GRIN2B: variants seen among roughly 807,000 people sequenced by gnomAD.
GRIN2B encodes the protein glutamate ionotropic receptor NMDA type subunit 2B, also known as glutamate receptor ionotropic, NMDA 2B.
Under a neutral mutation model 114.5 loss-of-function variants are expected in GRIN2B, and 5 were observed. The observed-to-expected ratio is 0.04, with a 90% CI of 0.02 to 0.09. The LOEUF is 0.09. Among genes scored for constraint, GRIN2B ranks in the 10% least tolerant of loss-of-function variants. The pLI, the probability that GRIN2B is intolerant of heterozygous loss-of-function variation, is 1.00. For synonymous variants in GRIN2B, 787 were observed against 745.1 expected (o/e 1.06, Z -0.92); for missense variants, 1,108 against 1,943.5 (o/e 0.57, Z 8.08).
intron 3 of GRIN2B, among the ~76,000 whole-genome samples, chr12:13,817,767 A>G (rs539119753): frequency 3.9e-5 from 6 of 152,300 alleles, no homozygotes; most frequent in East Asian, 3.9e-4. Flanking sequence ...TGGGTTTCCA[A>G]CCGCTCAGGA....
At chr12:13,855,049 GAAAAAA>G (rs3082840) in intron 3 of GRIN2B, among the ~76,000 whole-genome samples, 3 of 88,012 alleles carry the variant, frequency 3.4e-5, no homozygotes, top group Admixed American at 1.2e-4. Flanking sequence ...CATCTCTACT[GAAAAAA>G]AAAAAAAAAA....
At chr12:13,583,218 C>T (rs1948875671) in intron 10 of GRIN2B, among the ~76,000 whole-genome samples, 1 of 152,154 alleles carries the variant, frequency 6.6e-6, no homozygotes, top group South Asian at 2.1e-4. Flanking sequence ...CAATCCCTAC[C>T]ATTACAGTTT....
intron 4 of GRIN2B, among the ~76,000 whole-genome samples, chr12:13,704,864 T>A (rs1950345191): frequency 6.6e-6 from 1 of 152,172 alleles, no homozygotes; most frequent in South Asian, 2.1e-4. Context: ...ATAAAACACA[T>A]GTCACTGATA....
rs190725483 is a variant in GRIN2B at position 13,943,450 on chromosome 12, T to C, written c.-19+36478A>G. 3.7e-4 allele frequency among the ~76,000 whole-genome samples: 57 copies of C among 152,146 alleles called. No individual in the cohort carries two copies. The East Asian group carries it at 0.011, about 29-fold the overall frequency. On this transcript the variant is annotated intron_variant, in intron 2 of 13. Transcript: ENST00000609686. The stretch of plus-strand genomic sequence containing the variant: ...CACACTCCTACTCAAGATTCTCCCC[T>C]GACTCCCCCATTGAATTTAGAATAA...
At chr12:13,890,322 T>C (rs565393881) in intron 2 of GRIN2B, among the ~76,000 whole-genome samples, 87 of 152,318 alleles carry the variant, frequency 5.7e-4, no homozygotes, top group African/African-American at 2.0e-3. Flanking sequence ...CCGCCTCTAG[T>C]AAGCAAACTA....
At chr12:13,646,865 T>C (rs1452624074) in intron 5 of GRIN2B, among the ~76,000 whole-genome samples, 1 of 152,026 alleles carries the variant, frequency 6.6e-6, no homozygotes, top group African/African-American at 2.4e-5. Flanking sequence ...AAAGAGATTC[T>C]CCTCTTGGCC....
upstream of GRIN2B, among the ~76,000 whole-genome samples, chr12:13,981,728 T>G (rs1414184616): frequency 1.4e-5 from 2 of 143,786 alleles, no homozygotes; most frequent in Non-Finnish European, 3.0e-5. Flanking sequence ...GGGGGCAGGC[T>G]GTGCAAGTCA....
intron 3 of GRIN2B, among the ~76,000 whole-genome samples, chr12:13,773,115 TC>T (rs2069340639): frequency 6.6e-6 from 1 of 152,148 alleles, no homozygotes; most frequent in African/African-American, 2.4e-5. Context: ...GACCAGTGTT[TC>T]CAGGTACCCA....
Position 13,663,743 on chromosome 12 carries a change from T to C in GRIN2B, c.1125+12002A>G, listed in dbSNP as rs185380663. ...CTGTTTTCTAGTTTCTTCCTGTTAG[T>C]GACTAAGGCCAAAACCCAACTAGTT... On this transcript the variant is annotated intron_variant, in intron 5 of 13. Coordinates refer to ENST00000609686, the MANE Select transcript of GRIN2B (RefSeq NM_000834.5). Among the ~76,000 whole-genome samples the C allele has an allele frequency of 1.4e-3, 207 of 152,334 alleles. 2 individuals are homozygous for C. The highest frequency in any genetic ancestry group is 4.6e-3 in the African/African-American group (190 of 41,584).
intron 3 of GRIN2B, among the ~76,000 whole-genome samples, chr12:13,832,388 C>T (rs1043983198): frequency 1.3e-5 from 2 of 152,126 alleles, no homozygotes; most frequent in African/African-American, 4.8e-5. Context: ...TATACCACAT[C>T]AAACATAGTA....
At chr12:13,951,983 C>T (rs1867490269) in intron 2 of GRIN2B, among the ~76,000 whole-genome samples, 1 of 151,960 alleles carries the variant, frequency 6.6e-6, no homozygotes, top group South Asian at 2.1e-4. Flanking sequence ...AGGTCTTATA[C>T]CTAAGCACAA....
chr12:13,641,290 T>C (rs1591654724), intron 5 of GRIN2B, among the ~76,000 whole-genome samples: 2 of 151,878 alleles, frequency 1.3e-5, no homozygotes, highest in Non-Finnish European at 1.5e-5. Context: ...CCAGGCTGGT[T>C]TTGAACTCCT....
At chr12:13,572,071 G>A (rs954186851) in intron 10 of GRIN2B, 107 bp from the exon 11 acceptor site, 13 of 893,692 alleles carry the variant, frequency 1.5e-5, no homozygotes, top group African/African-American at 5.0e-5. Context: ...TAGCATTAGT[G>A]GATTTATAAT....
intron 5 of GRIN2B, among the ~76,000 whole-genome samples, chr12:13,650,428 AT>A (rs1014429861): frequency 6.6e-6 from 1 of 151,966 alleles, no homozygotes; most frequent in Non-Finnish European, 1.5e-5. Context: ...CTCACTTACA[AT>A]TCAGCAGACC....
At chr12:13,675,306 G>C (rs1950062419) in intron 5 of GRIN2B, among the ~76,000 whole-genome samples, 1 of 152,094 alleles carries the variant, frequency 6.6e-6, no homozygotes, top group South Asian at 2.1e-4. Flanking sequence ...GGCAGTGGGA[G>C]AGATTGAGCA....
At chr12:13,649,643 T>C (rs78095536) in intron 5 of GRIN2B, among the ~76,000 whole-genome samples, 1 of 152,074 alleles carries the variant, frequency 6.6e-6, no homozygotes, top group Non-Finnish European at 1.5e-5. Context: ...TTAGGGTCCA[T>C]TGAATACAAG....
Position 13,566,346 on chromosome 12 carries a change from C to A in GRIN2B, c.2598+679G>T, listed in dbSNP as rs11055526. On this transcript the variant is annotated intron_variant, in intron 13 of 13. Coordinates refer to ENST00000609686, the MANE Select transcript of GRIN2B (RefSeq NM_000834.5). ...AGTCTCTCCACTTTATTAACAAAAC[C>A]AAAAGAAGCTCACTTTTTAAAAAAA... Among the ~76,000 whole-genome samples, 620 of 152,184 alleles carry A rather than the reference C, an allele frequency of 4.1e-3. 31 individuals carry two copies. In the East Asian group the frequency reaches 0.1, roughly 25 times the overall value.
At chr12:13,950,102 G>T (rs1867453287) in intron 2 of GRIN2B, among the ~76,000 whole-genome samples, 1 of 152,206 alleles carries the variant, frequency 6.6e-6, no homozygotes, top group South Asian at 2.1e-4. Context: ...TGATCAATTT[G>T]CTATTTCTAC....
chr12:13,951,494 T>C (rs766341827), intron 2 of GRIN2B, among the ~76,000 whole-genome samples: 34 of 152,198 alleles, frequency 2.2e-4, no homozygotes, highest in Non-Finnish European at 2.5e-4. Context: ...GTTAACAGGA[T>C]ATTCAAGTCA....
Sources: allele counts gnomAD v4.1 joint callset (sites outside exome capture counted in the v4.1 genomes callset), GRCh38; gene constraint gnomAD v4.1.1; transcripts MANE v1.5; gene names NCBI Gene and HGNC (gene_info 2026-07-23, HGNC 2026-07-21).